The following CFAP20DC variants were observed in gnomAD, a reference collection of about 807,000 sequenced individuals.
The protein encoded by CFAP20DC is CFAP20 domain containing, also known as protein CFAP20DC.
CFAP20DC carries 84 observed loss-of-function variants against 101.7 expected under a neutral mutation model. The ratio of observed to expected loss-of-function variants is 0.83; its 90% confidence interval spans 0.69 to 0.99. The LOEUF is 0.99. Ranked by LOEUF, CFAP20DC falls within the 50% of genes least tolerant of loss-of-function variation. The pLI, the probability that CFAP20DC is intolerant of heterozygous loss-of-function variation, is 0.00. For synonymous variants in CFAP20DC, 359 were observed against 351.2 expected (o/e 1.02, Z -0.25); for missense variants, 1,007 against 970.3 (o/e 1.04, Z -0.50).
At chr3:58,924,055 A>G (rs2085678529) in intron 5 of CFAP20DC, among the ~76,000 whole-genome samples, 1 of 151,622 alleles carries the variant, frequency 6.6e-6, no homozygotes, top group Non-Finnish European at 1.5e-5. Flanking sequence ...CAGATACCGT[A>G]TTTTTTTTCA....
chr3:58,953,316 G>A (rs932405209), intron 4 of CFAP20DC, among the ~76,000 whole-genome samples: 3 of 152,148 alleles, frequency 2.0e-5, no homozygotes, highest in Admixed American at 6.5e-5. Flanking sequence ...AAACTCAATA[G>A]GAATCAAATG....
chr3:58,893,837 GAC>G (rs1213750617), intron 6 of CFAP20DC, among the ~76,000 whole-genome samples: 1 of 151,608 alleles, frequency 6.6e-6, no homozygotes, highest in Non-Finnish European at 1.5e-5. Context: ...TGCTGATAAA[GAC>G]ATACCTGAGA....
intron 6 of CFAP20DC, among the ~76,000 whole-genome samples, chr3:58,907,632 T>C (rs1327634822): frequency 6.6e-6 from 1 of 152,210 alleles, no homozygotes; most frequent in South Asian, 2.1e-4. Flanking sequence ...CACAGCAATG[T>C]ACTGTGTGGG....
At chr3:59,010,971 C>T (rs542240772) in intron 4 of CFAP20DC, among the ~76,000 whole-genome samples, 1 of 152,228 alleles carries the variant, frequency 6.6e-6, no homozygotes, top group East Asian at 1.9e-4. Flanking sequence ...TTTGGGTCAA[C>T]AATAAAATCA....
chr3:58,852,302 A>G (rs1029807129), intron 12 of CFAP20DC, among the ~76,000 whole-genome samples: 7 of 152,186 alleles, frequency 4.6e-5, no homozygotes, highest in African/African-American at 1.2e-4. Context: ...TCCTAAATAT[A>G]TATGCAACCA....
At chr3:58,774,506 T>C (rs2071142875) in intron 15 of CFAP20DC, among the ~76,000 whole-genome samples, 1 of 152,162 alleles carries the variant, frequency 6.6e-6, no homozygotes, top group Non-Finnish European at 1.5e-5. Context: ...AATGCTTCCA[T>C]AAAGGCACAC....
At chr3:58,764,386 A>T (rs1384691661) in intron 15 of CFAP20DC, among the ~76,000 whole-genome samples, 1 of 152,098 alleles carries the variant, frequency 6.6e-6, no homozygotes, top group Admixed American at 6.5e-5. Flanking sequence ...CTGTTGGAAA[A>T]GCGCAGTATT....
chr3:58,839,950 G>T (rs1034176903), intron 13 of CFAP20DC, among the ~76,000 whole-genome samples: 1 of 152,130 alleles, frequency 6.6e-6, no homozygotes, highest in African/African-American at 2.4e-5. Context: ...ACACCATTTT[G>T]CCTTTGCAAC....
chr3:59,010,587 G>C (rs1406406035), intron 4 of CFAP20DC, among the ~76,000 whole-genome samples: 3 of 151,714 alleles, frequency 2.0e-5, no homozygotes, highest in African/African-American at 7.3e-5. Flanking sequence ...TAAGAAATGA[G>C]GTAGATGACA....
At chr3:58,816,627 C>A (rs1444385719) in intron 14 of CFAP20DC, among the ~76,000 whole-genome samples, 1 of 142,408 alleles carries the variant, frequency 7.0e-6, no homozygotes, top group African/African-American at 3.0e-5. Context: ...CCACACCTGG[C>A]TCGAGGGTCC....
intron 15 of CFAP20DC, among the ~76,000 whole-genome samples, chr3:58,783,109 T>C (rs577887302): frequency 9.9e-5 from 15 of 151,906 alleles, no homozygotes; most frequent in Non-Finnish European, 1.6e-4. Context: ...GAATAGGGAA[T>C]CCAGAAATAA....
rs1213726029 is a variant in CFAP20DC at position 58,913,025 on chromosome 3, G to C, written c.550+683C>G. On this transcript the variant is annotated intron_variant, in intron 6 of 16. Transcript: ENST00000482387. This position sits in a 1 kb window ranked among gnomAD's most constrained non-coding sequence, Gnocchi z 4.4. ...TTAGTCAGGAATCAGACATTGCTTT[G>C]CCTGCCTTCCTTGCAGCATGCAACC... Among the ~76,000 whole-genome samples, 2 of 152,072 alleles carry C rather than the reference G, an allele frequency of 1.3e-5. No individual in the cohort carries two copies. The highest frequency in any genetic ancestry group is 4.8e-5 in the African/African-American group (2 of 41,408).
chr3:58,986,562 T>C (rs2092759038), intron 4 of CFAP20DC, among the ~76,000 whole-genome samples: 1 of 152,144 alleles, frequency 6.6e-6, no homozygotes, highest in African/African-American at 2.4e-5. Flanking sequence ...AATAAGCTTG[T>C]CTCTGTCCAG....
chr3:58,818,939 A>G (rs550509166), intron 14 of CFAP20DC, among the ~76,000 whole-genome samples: 4 of 148,374 alleles, frequency 2.7e-5, no homozygotes, highest in East Asian at 4.0e-4. Context: ...ATAACAAACT[A>G]TCTCTCAGAC....
At chr3:58,769,229 A>G (rs2070609382) in intron 15 of CFAP20DC, among the ~76,000 whole-genome samples, 1 of 152,186 alleles carries the variant, frequency 6.6e-6, no homozygotes. Flanking sequence ...TCTGATCTTC[A>G]TTGGCTGAGT....
At chr3:59,000,203 C>T (rs2093269712) in intron 4 of CFAP20DC, among the ~76,000 whole-genome samples, 1 of 152,210 alleles carries the variant, frequency 6.6e-6, no homozygotes, top group Admixed American at 6.5e-5. Context: ...CATTGCAATG[C>T]TTCATTCCCA....
intron 14 of CFAP20DC, among the ~76,000 whole-genome samples, chr3:58,815,878 G>A (rs930151588): frequency 5.9e-5 from 9 of 151,312 alleles, no homozygotes; most frequent in Admixed American, 3.9e-4. Context: ...TGGAGAGGAT[G>A]TGGAGAAATA....
intron 4 of CFAP20DC, among the ~76,000 whole-genome samples, chr3:58,965,138 C>T (rs540516238): frequency 3.3e-5 from 5 of 152,226 alleles, no homozygotes; most frequent in African/African-American, 4.8e-5. Flanking sequence ...AACCATCCAG[C>T]GAGGTTGGCA....
At chr3:58,936,691 G>A (rs533783150) in intron 5 of CFAP20DC, among the ~76,000 whole-genome samples, 6 of 152,060 alleles carry the variant, frequency 3.9e-5, no homozygotes, top group African/African-American at 4.8e-5. Flanking sequence ...ACCAAACACC[G>A]CATGTTCTCC....
Sources: allele counts gnomAD v4.1 joint callset (sites outside exome capture counted in the v4.1 genomes callset), GRCh38; gene constraint gnomAD v4.1.1; non-coding constraint Gnocchi (gnomAD v3.1); transcripts MANE v1.5; gene names NCBI Gene and HGNC (gene_info 2026-07-23, HGNC 2026-07-21).